Variants in NUP155 observed in about 807,000 individuals in gnomAD.
NUP155 encodes the protein nucleoporin 155.
A neutral mutation model predicts 180.4 loss-of-function variants in NUP155; 71 were observed. The observed-to-expected ratio is 0.39, with a 90% confidence interval of 0.33 to 0.48. The LOEUF is 0.48. Among genes scored for constraint, NUP155 ranks in the 20% least tolerant of loss-of-function variants. The pLI is 0.91. For synonymous variants in NUP155, 582 were observed against 559.5 expected (o/e 1.04, Z -0.57); for missense variants, 1,553 against 1,648.9 (o/e 0.94, Z 1.01).
intron 33 of NUP155, among the ~76,000 whole-genome samples, chr5:37,293,752 C>T (rs1241537666): frequency 8.2e-6 from 1 of 122,360 alleles, no homozygotes; most frequent in Non-Finnish European, 1.5e-5. Context: ...GTAATCCCAG[C>T]ACTTTGGGAG....
At chr5:37,301,367 G>T in intron 30 of NUP155, 70 bp downstream of exon 30, 1 of 978,996 alleles carries the variant, frequency 1.0e-6, no homozygotes, top group South Asian at 1.3e-5. Context: ...GAAACAAAAA[G>T]CAAAATAAAA....
intron 9 of NUP155, among the ~76,000 whole-genome samples, chr5:37,346,537 T>G (rs992919184): frequency 6.6e-6 from 1 of 151,936 alleles, no homozygotes; most frequent in Non-Finnish European, 1.5e-5. Context: ...CCAGGCGTGG[T>G]GACAGGCGCC....
At chr5:37,340,726 A>G (rs1745659049) in intron 11 of NUP155, among the ~76,000 whole-genome samples, 1 of 152,228 alleles carries the variant, frequency 6.6e-6, no homozygotes, top group Non-Finnish European at 1.5e-5. Flanking sequence ...TTCACACAAC[A>G]TACAAAAATT....
At chr5:37,338,839 T>TC (rs902271463) in intron 11 of NUP155, among the ~76,000 whole-genome samples, 1 of 152,174 alleles carries the variant, frequency 6.6e-6, no homozygotes, top group Non-Finnish European at 1.5e-5. Flanking sequence ...CATTTTTTTT[T>TC]CACATTTTAG....
At chr5:37,335,381 A>G (rs1458093904) in intron 12 of NUP155, among the ~76,000 whole-genome samples, 2 of 12,884 alleles carry the variant, frequency 1.6e-4, no homozygotes, top group Non-Finnish European at 2.2e-3. Context: ...CCTGTCTCAG[A>G]AAAAAAAAAA....
intron 10 of NUP155, among the ~76,000 whole-genome samples, chr5:37,341,545 T>G (rs1208598452): frequency 6.6e-6 from 1 of 151,930 alleles, no homozygotes; most frequent in African/African-American, 2.4e-5. Flanking sequence ...TTATTTTTAT[T>G]TTTATTTTTT....
chr5:37,318,042 G>T lies in NUP155; in HGVS notation c.2251C>A (p.Pro751Thr). ...VQQRLIGFMR[P>T]ENGNPQQMQQ... Reference sequence around the variant, plus strand: ...ATTTGCTGGGGATTTCCGTTTTCAGGACGCATGAATCCTATCAGCCTCTGC... The same window carrying T: ...ATTTGCTGGGGATTTCCGTTTTCAGTACGCATGAATCCTATCAGCCTCTGC... The change falls in exon 21 of 35, where the codon CCT becomes ACT. Residue 751 changes from proline to threonine, a missense_variant. By Grantham distance (38) the Pro-to-Thr change is conservative (BLOSUM62 -1). Transcript: ENST00000231498. The T allele has an allele frequency of 6.2e-7, 1 of 1,613,012 alleles. No homozygotes were observed. Among genetic ancestry groups the T allele is most frequent in the South Asian group, 1.1e-5 (1 of 91,058 alleles).
In NUP155 at chr5:37,322,971, C is replaced by A. The variant is rs542631839; in HGVS notation, c.2207+1021G>T. Among the ~76,000 whole-genome samples the A allele has an allele frequency of 1.1e-4, 16 of 148,422 alleles. No homozygotes were observed. The South Asian group carries it at 2.7e-3, about 25-fold the overall frequency. ...CTGGGCGACAAGAGCGAAACTCCGT[C>A]TCAAAAAAAAAACCCAAATGTCCAC... On this transcript the variant is annotated intron_variant, in intron 20 of 34. Coordinates refer to ENST00000231498, the MANE Select transcript of NUP155 (RefSeq NM_153485.3).
rs1023625748 is a variant in NUP155 at position 37,317,128 on chromosome 5, C to T, written c.2305+860G>A. On this transcript the variant is annotated intron_variant, in intron 21 of 34. Coordinates refer to ENST00000231498, the MANE Select transcript of NUP155 (RefSeq NM_153485.3). ...AGCTTGCAGTGAGCCGAGATCATGCCACTGCACTCCAGCCTGGGCGACAGA... is the reference window on the plus strand; with the variant it reads ...AGCTTGCAGTGAGCCGAGATCATGCTACTGCACTCCAGCCTGGGCGACAGA... Among the ~76,000 whole-genome samples the T allele has an allele frequency of 1.6e-3, 245 of 151,634 alleles. 3 individuals carry two copies. The highest frequency in any genetic ancestry group is 3.8e-4 in the Non-Finnish European group (26 of 67,918).
chr5:37,364,120 T>G (rs1747394051), intron 2 of NUP155, 127 bp downstream of exon 2: 1 of 1,104,794 alleles, frequency 9.1e-7, no homozygotes, highest in African/African-American at 1.6e-5. Context: ...ACCCATATAC[T>G]TAAACGAATT....
At position 37,312,389 on chromosome 5, in the gene NUP155, G is replaced by A. The variant is rs892281513; in HGVS notation, c.2437-1646C>T. Among the ~76,000 whole-genome samples, 5 of 151,088 alleles carry A rather than the reference G, an allele frequency of 3.3e-5. No homozygotes were observed. The East Asian group carries it at 9.7e-4, about 29-fold the overall frequency. On this transcript the variant is annotated intron_variant, in intron 22 of 34. Coordinates refer to ENST00000231498, the MANE Select transcript of NUP155 (RefSeq NM_153485.3). The stretch of plus-strand genomic sequence containing the variant: ...GAGGATTAAAAAAAAAAAAGCCTTA[G>A]AATGTCCTTAGAATGCTGGACATTC...
intron 1 of NUP155, 43 bp from the exon 2 acceptor site, chr5:37,364,427 T>A: frequency 6.3e-7 from 1 of 1,582,972 alleles, no homozygotes; most frequent in Non-Finnish European, 8.7e-7. Context: ...GTACTGCTCA[T>A]CAACCGGGCA....
At chr5:37,292,610 A>G (rs1165373578) in intron 34 of NUP155, among the ~76,000 whole-genome samples, 2 of 152,172 alleles carry the variant, frequency 1.3e-5, no homozygotes, top group African/African-American at 4.8e-5. Flanking sequence ...TAATATCACA[A>G]AGACATAATT....
At chr5:37,335,157 CAA>C (rs369127748) in intron 12 of NUP155, among the ~76,000 whole-genome samples, 21 of 62,168 alleles carry the variant, frequency 3.4e-4, no homozygotes, top group Admixed American at 4.2e-4. Flanking sequence ...GACTCTGTCA[CAA>C]AAAAAAAAAA....
intron 5 of NUP155, 84 bp from the exon 6 acceptor site, chr5:37,351,440 GT>G: frequency 1.0e-6 from 1 of 980,848 alleles, no homozygotes; most frequent in Non-Finnish European, 1.6e-6. Flanking sequence ...GAATCTATAT[GT>G]TTACTCAATT....
chr5:37,288,776 G>GGGTGGGGGGT lies in NUP155; in HGVS notation c.*3123_*3124insACCCCCCACC, dbSNP rs1299059204. On this transcript the variant is annotated 3_prime_UTR_variant, in exon 35 of 35. Transcript: ENST00000231498. ...AAAAAAAAAAAAAAAAAAGTAGGGG[G>GGGTGGGGGGT]GGTGGGGCTAGGCGCAGTGGCTCAT... 7.9e-6 allele frequency: 1 copy of GGGTGGGGGGT among 126,606 alleles called. No individual in the cohort carries two copies. The highest frequency in any genetic ancestry group is 1.7e-5 in the Non-Finnish European group (1 of 58,220). The allele number at this position is 126,606 out of a possible 1,614,324, so 7.8% of individuals were successfully genotyped here. A position where few individuals can be genotyped will look rare whatever the true frequency, so the allele number is the denominator to read the frequency against.
intron 20 of NUP155, among the ~76,000 whole-genome samples, chr5:37,322,435 C>T (rs185119091): frequency 4.7e-4 from 72 of 152,166 alleles, no homozygotes; most frequent in African/African-American, 1.6e-3. Context: ...TGGCTGGGCG[C>T]GGTGGCTCAC....
chr5:37,294,597 G>T lies in NUP155; in HGVS notation c.3794-132C>A, dbSNP rs556166556. ...CAATTGCAATTTTTTGGGGCGGGGG[G>T]TTTTTTTTGCTATGTTGCCCAGACT... On this transcript the variant is annotated intron_variant, in intron 32 of 34. Coordinates refer to ENST00000231498, the MANE Select transcript of NUP155 (RefSeq NM_153485.3). 5.1e-4 allele frequency: 410 copies of T among 810,782 alleles called. 2 individuals are homozygous for T. The highest frequency in any genetic ancestry group is 2.7e-3 in the African/African-American group (159 of 57,888). 50.2% of individuals were successfully genotyped at this position (810,782 alleles called of 1,614,324 possible).
chr5:37,333,662 A>G (rs767776212), intron 12 of NUP155, 29 bp from the exon 13 acceptor site: 2 of 1,575,034 alleles, frequency 1.3e-6, no homozygotes, highest in Admixed American at 1.7e-5. Flanking sequence ...TGTTTTATAC[A>G]TCATATTGAA....
Sources: allele counts gnomAD v4.1 joint callset (sites outside exome capture counted in the v4.1 genomes callset), GRCh38; gene constraint gnomAD v4.1.1; transcripts MANE v1.5; gene names NCBI Gene and HGNC (gene_info 2026-07-23, HGNC 2026-07-21).